NUP210L: variants seen among roughly 807,000 people sequenced by gnomAD.
The protein encoded by NUP210L is nuclear pore membrane glycoprotein 210-like.
In NUP210L, 74 loss-of-function variants were observed where a neutral mutation model predicts 208.5. The ratio of observed to expected loss-of-function variants is 0.35; its 90% CI spans 0.29 to 0.43. The LOEUF (loss-of-function observed/expected upper bound fraction) is 0.43, where lower values mean the gene tolerates loss of function less well. Among genes scored for constraint, NUP210L ranks in the 20% least tolerant of loss-of-function variants. The pLI, the probability that NUP210L is intolerant of heterozygous loss-of-function variation, is 1.00. For missense variants in NUP210L, 1,843 were observed against 2,289.4 expected, an observed-to-expected ratio of 0.81 and a Z score of 3.98; for synonymous variants, 780 against 816.9, an observed-to-expected ratio of 0.95 and a Z score of 0.77.
chr1:154,128,235 T>C (rs560061072), intron 8 of NUP210L, among the ~76,000 whole-genome samples: 1 of 152,236 alleles, frequency 6.6e-6, no homozygotes, highest in South Asian at 2.1e-4. Context: ...CCTATAATCC[T>C]AGCACTTTGG....
chr1:154,022,675 CTTT>C (rs375659718), intron 31 of NUP210L, among the ~76,000 whole-genome samples: 3 of 115,002 alleles, frequency 2.6e-5, no homozygotes, highest in Non-Finnish European at 3.7e-5. Flanking sequence ...TAAGTCTGGT[CTTT>C]TTTTTTTTTT....
chr1:154,070,870 T>C (rs1019528559), intron 16 of NUP210L, among the ~76,000 whole-genome samples: 1 of 152,194 alleles, frequency 6.6e-6, no homozygotes, highest in African/African-American at 2.4e-5. Flanking sequence ...AGCAAATGTA[T>C]AGTCAATATT....
chr1:154,077,325 G>A (rs1309269830), intron 16 of NUP210L, among the ~76,000 whole-genome samples: 2 of 151,698 alleles, frequency 1.3e-5, no homozygotes, highest in East Asian at 1.9e-4. Flanking sequence ...GCAATAAGCC[G>A]AGATCATTCC....
intron 37 of NUP210L, chr1:153,995,708 T>A (rs527352686): frequency 3.4e-5 from 33 of 982,244 alleles, no homozygotes; most frequent in Non-Finnish European, 5.0e-5. Context: ...TCCCAAACCC[T>A]TGGTAATAGA....
chr1:154,011,223 A>ATT (rs752847076), intron 34 of NUP210L, among the ~76,000 whole-genome samples: 69 of 139,134 alleles, frequency 5.0e-4, no homozygotes, highest in Non-Finnish European at 9.4e-4. Flanking sequence ...CGGTGGCTAG[A>ATT]TTTTTTTTTT....
chr1:154,030,297 G>C (rs953943745), intron 27 of NUP210L, among the ~76,000 whole-genome samples: 1 of 151,780 alleles, frequency 6.6e-6, no homozygotes, highest in South Asian at 2.1e-4. Context: ...AATACCACCT[G>C]TACCCCAATA....
At position 153,993,133 on chromosome 1, in the gene NUP210L, G is replaced by T. The variant is rs114165525; in HGVS notation, c.5492-44C>A. On this transcript the variant is annotated intron_variant, in intron 38 of 39. Coordinates refer to ENST00000368559, the Ensembl canonical transcript of NUP210L. Reference sequence around the variant, plus strand: ...ATGTCACAAGGCATATCTGAGGAAGGCCTTAAAAGGCAAAGTCAACTCTAG... The same window carrying T: ...ATGTCACAAGGCATATCTGAGGAAGTCCTTAAAAGGCAAAGTCAACTCTAG... 2,857 of 1,380,300 alleles carry T rather than the reference G, an allele frequency of 2.1e-3. 72 individuals carry two copies. In the African/African-American group the frequency reaches 0.036, roughly 18 times the overall value. The allele number at this position is 1,380,300 out of a possible 1,614,324, so 85.5% of individuals were successfully genotyped here. A position where few individuals can be genotyped will look rare whatever the true frequency, so the allele number is the denominator to read the frequency against.
intron 25 of NUP210L, 25 bp from the exon 26 acceptor site, chr1:154,046,394 CT>C: frequency 6.2e-7 from 1 of 1,601,068 alleles, no homozygotes; most frequent in Non-Finnish European, 8.6e-7. Flanking sequence ...GGAGAGCAAG[CT>C]TAGGCTAAGA....
chr1:154,081,759 A>G (rs1320070418), intron 16 of NUP210L, among the ~76,000 whole-genome samples: 1 of 152,210 alleles, frequency 6.6e-6, no homozygotes, highest in East Asian at 1.9e-4. Context: ...AGACAGGAAG[A>G]CTGCCTGAGC....
At chr1:154,083,196 G>A (rs1557964776) in intron 16 of NUP210L, among the ~76,000 whole-genome samples, 1 of 152,142 alleles carries the variant, frequency 6.6e-6, no homozygotes, top group Non-Finnish European at 1.5e-5. Context: ...CTGCTGATTG[G>A]TCCATTTTAC....
intron 15 of NUP210L, among the ~76,000 whole-genome samples, chr1:154,093,897 T>C (rs556562554): frequency 1.3e-5 from 2 of 152,266 alleles, no homozygotes; most frequent in East Asian, 3.9e-4. Context: ...ATGCCTATAA[T>C]CCCAGCACTT....
At chr1:154,116,175 A>G (rs922798219) in intron 12 of NUP210L, among the ~76,000 whole-genome samples, 1 of 151,522 alleles carries the variant, frequency 6.6e-6, no homozygotes, top group African/African-American at 2.4e-5. Context: ...GAATGGGGTG[A>G]ACCTGGGAGG....
chr1:154,149,803 T>C (rs895235286), intron 2 of NUP210L, among the ~76,000 whole-genome samples: 1 of 152,252 alleles, frequency 6.6e-6, no homozygotes, highest in African/African-American at 2.4e-5. Context: ...CATTTAACTT[T>C]TAAAGTGAAG....
At chr1:154,109,478 A>G (rs566823615) in intron 12 of NUP210L, among the ~76,000 whole-genome samples, 1 of 151,768 alleles carries the variant, frequency 6.6e-6, no homozygotes, top group Admixed American at 6.5e-5. Flanking sequence ...AACAATGAAC[A>G]GATTATCCAG....
chr1:154,135,415 G>A (rs776409895), intron 7 of NUP210L, among the ~76,000 whole-genome samples: 1 of 151,614 alleles, frequency 6.6e-6, no homozygotes, highest in Non-Finnish European at 1.5e-5. Flanking sequence ...CACTGTAGTA[G>A]TATTATAATC....
intron 10 of NUP210L, among the ~76,000 whole-genome samples, chr1:154,119,595 C>T (rs1300733505): frequency 6.6e-6 from 1 of 151,868 alleles, no homozygotes; most frequent in Non-Finnish European, 1.5e-5. Context: ...TCTCAAAAAA[C>T]AAACAAACAA....
At position 153,993,000 on chromosome 1, in the gene NUP210L, CAG is replaced by C. The variant is rs771472028; in HGVS notation, c.5566+13_5566+14del. On this transcript the variant is annotated intron_variant, in intron 39 of 39. Coordinates refer to ENST00000368559, the Ensembl canonical transcript of NUP210L. ...TATCTGAGCTTTTCAAAGATGAGGACAGAGGCTTTTTTACCTGGCTGTGGTGT... is the reference window on the plus strand; with the variant it reads ...TATCTGAGCTTTTCAAAGATGAGGACAGGCTTTTTTACCTGGCTGTGGTGT... The C allele has an allele frequency of 1.2e-5, 20 of 1,612,392 alleles. No homozygotes were observed. Among genetic ancestry groups the C allele is most frequent in the East Asian group, 4.5e-5 (2 of 44,854 alleles).
intron 16 of NUP210L, among the ~76,000 whole-genome samples, chr1:154,073,722 C>T (rs539914969): frequency 2.0e-5 from 3 of 151,272 alleles, no homozygotes; most frequent in African/African-American, 4.9e-5. Flanking sequence ...GGCTGAGGCA[C>T]GAGAATCGCT....
exon 30 of NUP210L, chr1:154,025,694 A>C: frequency 6.2e-7 from 1 of 1,613,308 alleles, no homozygotes; most frequent in South Asian, 1.1e-5. Flanking sequence ...AGAACACGAG[A>C]ACTCACGAAG....
Sources: gnomAD v4.1 joint callset for allele counts (sites outside exome capture counted in the v4.1 genomes callset) on GRCh38, gnomAD v4.1.1 for gene constraint, MANE v1.5 for transcripts, NCBI Gene and HGNC (gene_info 2026-07-23, HGNC 2026-07-21) for gene names.